Variants in TRPS1 observed in about 807,000 individuals in gnomAD.
TRPS1 encodes the protein transcriptional repressor GATA binding 1, also known as zinc finger transcription factor Trps1.
TRPS1 carries 6 observed loss-of-function variants against 101.2 expected under a neutral mutation model. The observed-to-expected ratio is 0.06, with a 90% confidence interval of 0.03 to 0.12. The LOEUF (loss-of-function observed/expected upper bound fraction) is 0.12. Ranked by LOEUF, TRPS1 falls within the 10% of genes least tolerant of loss-of-function variation. TRPS1 has a pLI of 1.00. For missense variants in TRPS1, 1,363 were observed against 1,567.0 expected (o/e 0.87, Z 2.20); for synonymous variants, 578 against 589.8 (o/e 0.98, Z 0.29).
chr8:115,553,436 G>C (rs1816747479), intron 5 of TRPS1, among the ~76,000 whole-genome samples: 2 of 152,054 alleles, frequency 1.3e-5, no homozygotes, highest in African/African-American at 2.4e-5. Flanking sequence ...TCAAAAAGTA[G>C]TTTCTTAACT....
At chr8:115,652,527 A>G (rs979930450) in intron 1 of TRPS1, among the ~76,000 whole-genome samples, 1 of 152,238 alleles carries the variant, frequency 6.6e-6, no homozygotes, top group African/African-American at 2.4e-5. Context: ...GGAAATAAAT[A>G]AAAAGTAGCC....
chr8:115,499,935 CT>C (rs1382033982), intron 5 of TRPS1, among the ~76,000 whole-genome samples: 4 of 74,498 alleles, frequency 5.4e-5, no homozygotes, highest in African/African-American at 2.3e-4. Context: ...TTCTTTCTTT[CT>C]TTCTTTCTTT....
intron 1 of TRPS1, chr8:115,661,521 G>A (rs1367510714): frequency 6.6e-6 from 1 of 151,936 alleles, no homozygotes; most frequent in East Asian, 1.9e-4. Flanking sequence ...CATATTATAG[G>A]TATCCTATGA....
chr8:115,587,109 T>A lies in TRPS1; in HGVS notation c.2592A>T (p.Gly864=). 1 of 1,614,084 alleles carries A rather than the reference T, an allele frequency of 6.2e-7. No individual in the cohort carries two copies. Among genetic ancestry groups the A allele is most frequent in the Admixed American group, 1.7e-5 (1 of 60,024 alleles). Residue 864 remains glycine (G), a synonymous_variant, in exon 5 of 7, where the codon GGA becomes GGT. Transcript: ENST00000395715. ...CGCCAGCTGGCGCCCCCTGCAGGAA[T>A]CCCTTGGTTTCCACAGCCAAGCCAT... is the stretch of plus-strand genomic sequence containing the variant. ...PIYGLAVETK[G]FLQGAPAGGE... is the part of the protein sequence containing the mutation.
intron 5 of TRPS1, among the ~76,000 whole-genome samples, chr8:115,439,280 A>C (rs948909279): frequency 2.6e-5 from 4 of 152,198 alleles, no homozygotes; most frequent in African/African-American, 9.6e-5. Context: ...TAACAGTTAG[A>C]GCTTGTGAAA....
At chr8:115,464,110 T>C (rs1304055626) in intron 5 of TRPS1, among the ~76,000 whole-genome samples, 4 of 152,080 alleles carry the variant, frequency 2.6e-5, no homozygotes, top group Non-Finnish European at 5.9e-5. Context: ...AATAGCTGTC[T>C]TGATTTTTTT....
At chr8:115,534,930 T>G (rs886369927) in intron 5 of TRPS1, among the ~76,000 whole-genome samples, 1 of 151,546 alleles carries the variant, frequency 6.6e-6, no homozygotes, top group East Asian at 1.9e-4. Flanking sequence ...ATGCTTTAGG[T>G]TGGAGAAGGT....
intron 3 of TRPS1, among the ~76,000 whole-genome samples, chr8:115,612,011 A>C (rs1296100324): frequency 1.3e-5 from 2 of 152,126 alleles, no homozygotes; most frequent in African/African-American, 4.8e-5. Context: ...AGGACAACTG[A>C]TCAATAAACA....
chr8:115,438,971 T>C (rs1013085988), intron 5 of TRPS1, among the ~76,000 whole-genome samples: 4 of 152,166 alleles, frequency 2.6e-5, no homozygotes, highest in Non-Finnish European at 5.9e-5. Flanking sequence ...CTGGCTTCAG[T>C]CATGCATTTT....
chr8:115,532,111 G>A (rs758372557), intron 5 of TRPS1, among the ~76,000 whole-genome samples: 6 of 152,092 alleles, frequency 3.9e-5, no homozygotes, highest in African/African-American at 1.2e-4. Context: ...CATACAAAAC[G>A]ATATACAGAT....
chr8:115,651,657 C>G (rs1436566251), intron 1 of TRPS1, among the ~76,000 whole-genome samples: 2 of 152,174 alleles, frequency 1.3e-5, no homozygotes, highest in African/African-American at 4.8e-5. Flanking sequence ...CACACATAAA[C>G]AGGAGCACAA....
chr8:115,508,026 C>A (rs1041172816), intron 5 of TRPS1, among the ~76,000 whole-genome samples: 1 of 151,954 alleles, frequency 6.6e-6, no homozygotes, highest in South Asian at 2.1e-4. Flanking sequence ...AATAAAAAAG[C>A]AGAACATAAA....
At position 115,587,379 on chromosome 8, in the gene TRPS1, A is replaced by G. The variant is rs1048525397; in HGVS notation, c.2322T>C (p.Ser774=). ...GCTTCTCTCTCTTCACCACACTCTC[A>G]GAAACTGGCTCTCCCATTTTAGAGT... ...TPDSKMGEPV[S]ESVVKREKLE... Residue 774 remains serine (S), a synonymous_variant, in exon 5 of 7, where the codon TCT becomes TCC. Coordinates refer to ENST00000395715, the MANE Select transcript of TRPS1 (RefSeq NM_014112.5). 1 of 1,614,188 alleles carries G rather than the reference A, an allele frequency of 6.2e-7. No individual in the cohort carries two copies. The highest frequency in any genetic ancestry group is 8.5e-7 in the Non-Finnish European group (1 of 1,180,020).
chr8:115,534,664 G>A (rs545212825), intron 5 of TRPS1, among the ~76,000 whole-genome samples: 53 of 152,262 alleles, frequency 3.5e-4, no homozygotes, highest in African/African-American at 1.2e-3. Context: ...TCTCTTTCTC[G>A]CTTTTTTTCC....
chr8:115,604,005 G>A lies in TRPS1; in HGVS notation c.1964C>T (p.Ser655Leu), dbSNP rs367794981. 45 of 1,613,752 alleles carry A rather than the reference G, an allele frequency of 2.8e-5. No individual in the cohort carries two copies. Among genetic ancestry groups the A allele is most frequent in the African/African-American group, 2.5e-4 (19 of 74,838 alleles). ...HYESVHESQA[S>L]DVKQEANHLQ... The stretch of plus-strand genomic sequence containing the variant: ...GTGATTTGCTTCTTGTTTGACATCC[G>A]ATGCTTGGGACTCATGCACACTTTC... Residue 655 changes from serine (S) to leucine (L), a missense_variant, in exon 4 of 7, where the codon TCG becomes TTG. Coordinates refer to ENST00000395715, the MANE Select transcript of TRPS1 (RefSeq NM_014112.5). This position sits in a 1 kb window ranked among gnomAD's most constrained non-coding sequence, Gnocchi z 4.1.
chr8:115,475,913 A>G (rs1319866037), intron 5 of TRPS1, among the ~76,000 whole-genome samples: 1 of 152,198 alleles, frequency 6.6e-6, no homozygotes, highest in African/African-American at 2.4e-5. Flanking sequence ...GAAAGTAAGC[A>G]ACAAAGAACA....
intron 5 of TRPS1, among the ~76,000 whole-genome samples, chr8:115,493,670 T>C (rs1474806599): frequency 6.6e-6 from 1 of 152,138 alleles, no homozygotes; most frequent in Non-Finnish European, 1.5e-5. Flanking sequence ...TTTTAAAAGG[T>C]ACATCCAACA....
intron 1 of TRPS1, among the ~76,000 whole-genome samples, chr8:115,636,922 C>T (rs1404134704): frequency 8.7e-6 from 1 of 114,950 alleles, no homozygotes; most frequent in Admixed American, 7.9e-5. Context: ...AAAAACAAAA[C>T]AAAACAAAAA....
chr8:115,527,310 C>T (rs1816023098), intron 5 of TRPS1, among the ~76,000 whole-genome samples: 1 of 151,838 alleles, frequency 6.6e-6, no homozygotes, highest in Non-Finnish European at 1.5e-5. Context: ...TAGGTGAGTA[C>T]ATTACCTGCT....
Sources: allele counts gnomAD v4.1 joint callset (sites outside exome capture counted in the v4.1 genomes callset), GRCh38; gene constraint gnomAD v4.1.1; non-coding constraint Gnocchi (gnomAD v3.1); transcripts MANE v1.5; gene names NCBI Gene and HGNC (gene_info 2026-07-23, HGNC 2026-07-21).